CERT1: variants seen among roughly 807,000 people sequenced by gnomAD.
The protein encoded by CERT1 is ceramide transfer protein.
Under a neutral mutation model 87.9 loss-of-function variants are expected in CERT1, and 31 were observed. That is an observed-to-expected ratio of 0.35 (90% CI 0.27 to 0.48). The LOEUF (loss-of-function observed/expected upper bound fraction) is 0.48, where lower values mean the gene tolerates loss of function less well. CERT1 is among the 20% of genes least tolerant of loss of function. CERT1 has a pLI of 0.99. For missense variants in CERT1, 487 were observed against 758.0 expected, an observed-to-expected ratio of 0.64 and a Z score of 4.20; for synonymous variants, 289 against 250.9, an observed-to-expected ratio of 1.15 and a Z score of -1.44.
At chr5:75,493,438 G>A (rs553508779) in intron 2 of CERT1, among the ~76,000 whole-genome samples, 5 of 152,246 alleles carry the variant, frequency 3.3e-5, no homozygotes, top group South Asian at 4.1e-4. Flanking sequence ...TGGTGATTTG[G>A]ATGCATATAT....
chr5:75,474,628 T>C (rs941522297), intron 2 of CERT1, among the ~76,000 whole-genome samples: 1 of 152,108 alleles, frequency 6.6e-6, no homozygotes, highest in Non-Finnish European at 1.5e-5. Context: ...TTAGACTCCC[T>C]CTACTAGAGA....
chr5:75,373,990 T>G (rs1168197555), downstream of CERT1: 2 of 398,374 alleles, frequency 5.0e-6, no homozygotes. Context: ...TATAGTTATA[T>G]GCTGAGCAAG....
chr5:75,511,819 G>C (rs768787922), upstream of CERT1: 5 of 1,551,274 alleles, frequency 3.2e-6, no homozygotes, highest in Non-Finnish European at 4.4e-6. Context: ...AGGAGAGGGC[G>C]GGGTAGGGAT....
At chr5:75,485,312 C>CAAAAAAACAA (rs1766461497) in intron 2 of CERT1, among the ~76,000 whole-genome samples, 1 of 46,436 alleles carries the variant, frequency 2.2e-5, no homozygotes, top group Non-Finnish European at 3.7e-5. Flanking sequence ...CACAAAAATA[C>CAAAAAAACAA]AAAAAAAAAA....
intron 17 of CERT1, chr5:75,368,935 CAG>C (rs1760988259): frequency 1.3e-5 from 2 of 151,174 alleles, no homozygotes; most frequent in African/African-American, 2.4e-5. Flanking sequence ...TTTTTGGAGA[CAG>C]AGTCTTGCTG....
Position 75,399,322 on chromosome 5 carries a change from T to G in CERT1, c.1176A>C (p.Arg392Ser). Residue 392 changes from arginine to serine, a missense_variant, in exon 11 of 17, where the codon AGA (arginine) becomes AGC (serine). This residue lies in a region of CERT1 where 91 missense variants were observed against 86.7 expected (regional missense o/e 1.05). Transcript: ENST00000643780. ...DLVSASDDVH[R>S]FSSQVEEMVQ... ...ATTCATACAGTACCTGGGAGCTGAA[T>G]CTGTGAACATCATCAGAGGCACTGA... 6.2e-7 allele frequency: 1 copy of G among 1,611,340 alleles called. No homozygotes were observed. The highest frequency in any genetic ancestry group is 2.2e-5 in the East Asian group (1 of 44,834).
intron 7 of CERT1, among the ~76,000 whole-genome samples, chr5:75,414,096 A>G (rs1763040825): frequency 6.6e-6 from 1 of 152,236 alleles, no homozygotes; most frequent in African/African-American, 2.4e-5. Flanking sequence ...ATATAACAAC[A>G]TGAATGAATC....
chr5:75,511,496 A>G lies in CERT1; in HGVS notation c.-289T>C. ...CGTTGCGCCCGGCGCTGCCACCCGA[A>G]CTTAGCCCCCTCGATGCCAATTTCA... On this transcript the variant is annotated 5_prime_UTR_variant, in exon 1 of 17. Coordinates refer to ENST00000643780, the MANE Select transcript of CERT1 (RefSeq NM_001379029.1). 1 of 1,489,956 alleles carries G rather than the reference A, an allele frequency of 6.7e-7. No homozygotes were observed. The highest frequency in any genetic ancestry group is 8.9e-7 in the Non-Finnish European group (1 of 1,121,502). The allele number at this position is 1,489,956 out of a possible 1,614,324, so 92.3% of individuals were successfully genotyped here.
intron 2 of CERT1, among the ~76,000 whole-genome samples, chr5:75,477,085 T>C (rs1479588384): frequency 2.6e-5 from 4 of 152,224 alleles, no homozygotes; most frequent in Non-Finnish European, 5.9e-5. Flanking sequence ...ATGCAAAGTA[T>C]GAAAAACGGT....
chr5:75,385,929 TC>T lies in CERT1; in HGVS notation c.1389del (p.Trp463Ter). The T allele has an allele frequency of 6.4e-7, 1 of 1,564,772 alleles. No homozygotes were observed. On this transcript the variant is annotated frameshift_variant, in exon 13 of 17. Transcript: ENST00000643780. LOFTEE classifies it high-confidence loss of function. ...TCCCAGTCATTGCGAACGTCAACAT[TC>T]CAGAAATAATTGCAGACTTCATGTC... Reference protein sequence around the residue: ...VTGHEVCNYFWNVDVRNDWET... With the variant: ...VTGHEVCNYFXNVDVRNDWET...
chr5:75,405,334 C>T (rs1463266110), intron 8 of CERT1, among the ~76,000 whole-genome samples: 1 of 152,112 alleles, frequency 6.6e-6, no homozygotes, highest in African/African-American at 2.4e-5. Flanking sequence ...TCTGCCTATC[C>T]TTTAAATGTT....
intron 2 of CERT1, among the ~76,000 whole-genome samples, chr5:75,461,135 G>A (rs566415255): frequency 6.6e-6 from 1 of 152,292 alleles, no homozygotes; most frequent in African/African-American, 2.4e-5. Flanking sequence ...ATGTAAAGCA[G>A]GAGTCCCCAG....
intron 8 of CERT1, among the ~76,000 whole-genome samples, chr5:75,404,011 G>T (rs1762605327): frequency 6.6e-6 from 1 of 152,080 alleles, no homozygotes; most frequent in East Asian, 1.9e-4. Flanking sequence ...GAGACTAAAA[G>T]GTAGGCTTGG....
At position 75,426,268 on chromosome 5, in the gene CERT1, TAA is replaced by T. The variant is rs1763613125; in HGVS notation, c.456+101_456+102del. Reference sequence around the variant, plus strand: ...TAATAACTTCAAATAAATTATACTATAAAAAAGTTTGTTCAAAAAATTATCAC... The same window carrying T: ...TAATAACTTCAAATAAATTATACTATAAAAGTTTGTTCAAAAAATTATCAC... On this transcript the variant is annotated intron_variant, in intron 4 of 16. Transcript: ENST00000643780. 47 of 673,774 alleles carry T rather than the reference TAA, an allele frequency of 7.0e-5. 2 individuals are homozygous for T. The South Asian group carries it at 1.0e-3, about 15-fold the overall frequency. 41.7% of individuals were successfully genotyped at this position (673,774 alleles called of 1,614,324 possible).
At chr5:75,492,947 A>G (rs1031942956) in intron 2 of CERT1, among the ~76,000 whole-genome samples, 2 of 152,192 alleles carry the variant, frequency 1.3e-5, no homozygotes, top group African/African-American at 2.4e-5. Context: ...AGGGTTTCTG[A>G]TCCATTAGGT....
chr5:75,419,527 T>A (rs1763284500), intron 5 of CERT1, 103 bp from the exon 6 acceptor site: 8 of 759,324 alleles, frequency 1.1e-5, no homozygotes, highest in Non-Finnish European at 1.8e-5. Context: ...TGATTCTGAG[T>A]ATGAAGTCTT....
chr5:75,455,030 G>T (rs1224487433), intron 3 of CERT1, among the ~76,000 whole-genome samples: 3 of 152,172 alleles, frequency 2.0e-5, no homozygotes, highest in Non-Finnish European at 4.4e-5. Flanking sequence ...TCACTGTTTG[G>T]TGGTCTGCTG....
chr5:75,386,006 C>T lies in CERT1; in HGVS notation c.1313G>A (p.Gly438Glu). The change falls in exon 13 of 17, where the codon GGG (glycine) becomes GAG (glutamate). Residue 438 changes from glycine to glutamate, a missense_variant. Gly to Glu is a moderately conservative substitution (Grantham distance 98, BLOSUM62 -2). Around this residue, in one of 8 missense-constraint regions of CERT1, gnomAD observed 147 missense variants for 200.8 expected, o/e 0.73. Transcript: ENST00000643780. ...KVYRREVEEN[G>E]IVLDPLKATH... Reference sequence around the variant, plus strand: ...AGCTTTTAAAGGATCCAGAACAATCCCATTTTCTTCTACTTCTCTTCTGTA... The same window carrying T: ...AGCTTTTAAAGGATCCAGAACAATCTCATTTTCTTCTACTTCTCTTCTGTA... The T allele has an allele frequency of 6.3e-7, 1 of 1,580,670 alleles. No individual in the cohort carries two copies. The highest frequency in any genetic ancestry group is 1.2e-5 in the South Asian group (1 of 84,048).
chr5:75,384,299 T>G (rs1311174612), intron 14 of CERT1, among the ~76,000 whole-genome samples: 2 of 152,146 alleles, frequency 1.3e-5, no homozygotes, highest in East Asian at 3.9e-4. Context: ...CTTGAGAGGC[T>G]GAGGCAGGAG....
Sources: gnomAD v4.1 joint callset for allele counts (sites outside exome capture counted in the v4.1 genomes callset) on GRCh38, gnomAD v4.1.1 for gene constraint, gnomAD v4.1.1 regional missense constraint, MANE v1.5 for transcripts, NCBI Gene and HGNC (gene_info 2026-07-23, HGNC 2026-07-21) for gene names.